The following NBEAL1 variants were observed in gnomAD, a reference collection of about 807,000 sequenced individuals.
The protein encoded by NBEAL1 is neurobeachin like 1.
A neutral mutation model predicts 351.3 loss-of-function variants in NBEAL1; 273 were observed. That is an observed-to-expected ratio of 0.78 (90% CI 0.70 to 0.86). The LOEUF is 0.86. NBEAL1 is among the 40% of genes least tolerant of loss of function. The pLI is 0.00. For missense variants in NBEAL1, 2,961 were observed against 3,201.3 expected (o/e 0.92, Z 1.81); for synonymous variants, 1,050 against 1,086.4 (o/e 0.97, Z 0.66).
At chr2:203,036,632 T>A (rs2061043824) in intron 2 of NBEAL1, among the ~76,000 whole-genome samples, 1 of 149,386 alleles carries the variant, frequency 6.7e-6, no homozygotes, top group Non-Finnish European at 1.5e-5. Context: ...CCTGCTGTAC[T>A]ACTTACTGTA....
chr2:203,071,519 A>G (rs1039680023), intron 7 of NBEAL1, among the ~76,000 whole-genome samples: 1 of 152,128 alleles, frequency 6.6e-6, no homozygotes, highest in African/African-American at 2.4e-5. Flanking sequence ...TTCACTCTAT[A>G]CCACTCTGTC....
chr2:203,184,374 T>C (rs1559046263), intron 44 of NBEAL1, among the ~76,000 whole-genome samples: 1 of 152,110 alleles, frequency 6.6e-6, no homozygotes, highest in Non-Finnish European at 1.5e-5. Flanking sequence ...GAGGTGACAA[T>C]GAGCTGAGAT....
chr2:203,174,879 A>AAATG (rs1321572025), intron 41 of NBEAL1, among the ~76,000 whole-genome samples: 21 of 151,164 alleles, frequency 1.4e-4, no homozygotes, highest in Admixed American at 1.4e-3. Flanking sequence ...ATAAATAAAT[A>AAATG]AATAAATAAA....
At chr2:203,141,341 G>GATTATTATTATTATT (rs1245124579) in intron 31 of NBEAL1, among the ~76,000 whole-genome samples, 133 of 38,670 alleles carry the variant, frequency 3.4e-3, no homozygotes, top group South Asian at 6.0e-3. Flanking sequence ...AGATAAGACA[G>GATTATTATTATTATT]ATTATTATTA....
intron 19 of NBEAL1, among the ~76,000 whole-genome samples, 195 bp from the exon 20 acceptor site, chr2:203,125,157 C>T (rs1246210391): frequency 6.6e-6 from 1 of 152,160 alleles, no homozygotes; most frequent in East Asian, 1.9e-4. Context: ...CCTGATCTCT[C>T]TTGAGTTTTG....
chr2:203,190,721 G>A (rs777834972), intron 46 of NBEAL1: 1 of 1,591,826 alleles, frequency 6.3e-7, no homozygotes, highest in Non-Finnish European at 8.5e-7. Context: ...AGGAGGCCAA[G>A]GTGCAACTTT....
At chr2:203,142,774 G>C (rs978004920) in intron 31 of NBEAL1, among the ~76,000 whole-genome samples, 1 of 152,134 alleles carries the variant, frequency 6.6e-6, no homozygotes, top group Admixed American at 6.5e-5. Context: ...TGTAGGGATT[G>C]TATGACTTTT....
At chr2:203,126,765 A>G (rs6725469) in intron 22 of NBEAL1, 49 bp downstream of exon 22, 435,895 of 1,518,874 alleles carry the variant, frequency 0.29, 67,547 homozygotes, top group East Asian at 0.66. Flanking sequence ...TTAGAAATTT[A>G]TAACTACCTA....
At chr2:203,143,513 C>T (rs1265192020) in intron 31 of NBEAL1, among the ~76,000 whole-genome samples, 2 of 145,440 alleles carry the variant, frequency 1.4e-5, no homozygotes, top group Admixed American at 6.6e-5. Context: ...AGGATTCAGT[C>T]AGGGCTCCAG....
At chr2:203,212,606 CAAAA>C (rs367786013) in intron 54 of NBEAL1, among the ~76,000 whole-genome samples, 2 of 81,248 alleles carry the variant, frequency 2.5e-5, no homozygotes. Context: ...GACTCCATCT[CAAAA>C]AAAAAAAAAA....
chr2:203,135,148 C>T (rs1388147961), intron 27 of NBEAL1, among the ~76,000 whole-genome samples: 2 of 149,218 alleles, frequency 1.3e-5, no homozygotes, highest in South Asian at 2.1e-4. Flanking sequence ...TGCACTGGTG[C>T]GACAGAGCAA....
At chr2:203,055,290 C>T (rs2106088694) in intron 4 of NBEAL1, among the ~76,000 whole-genome samples, 1 of 152,252 alleles carries the variant, frequency 6.6e-6, no homozygotes, top group African/African-American at 2.4e-5. Context: ...TCATGCCAGT[C>T]TGACTTCTTA....
At chr2:203,137,344 A>G (rs2063239508) in intron 29 of NBEAL1, among the ~76,000 whole-genome samples, 1 of 152,188 alleles carries the variant, frequency 6.6e-6, no homozygotes, top group South Asian at 2.1e-4. Context: ...AGTGTATTTT[A>G]TGTGTGGCCC....
rs544594326 is a variant in NBEAL1, at chr2:203,151,996, C to T, written c.5587+407C>T. On this transcript the variant is annotated intron_variant, in intron 35 of 55. Coordinates refer to ENST00000683969, the MANE Select transcript of NBEAL1 (RefSeq NM_001378026.1). The stretch of plus-strand genomic sequence containing the variant: ...TTTTGAGACAAAAGTCTCACTCTGT[C>T]GCCCAGGCTGAAGTGTAGTGGCGCA... Among the ~76,000 whole-genome samples, 142 of 151,798 alleles carry T rather than the reference C, an allele frequency of 9.4e-4. 1 individual carries two copies. Among genetic ancestry groups the T allele is most frequent in the Admixed American group, 2.0e-3 (30 of 15,248 alleles).
intron 44 of NBEAL1, among the ~76,000 whole-genome samples, chr2:203,183,630 C>G (rs1448995782): frequency 1.3e-5 from 2 of 151,970 alleles, no homozygotes; most frequent in African/African-American, 2.4e-5. Flanking sequence ...AACATTTCAG[C>G]TCTGTAAAAT....
intron 10 of NBEAL1, among the ~76,000 whole-genome samples, chr2:203,090,078 A>G (rs945013445): frequency 3.9e-5 from 6 of 152,232 alleles, no homozygotes; most frequent in African/African-American, 1.4e-4. Context: ...TTATTTTATG[A>G]CATATGGATT....
chr2:203,131,422 G>T (rs1182461645), intron 25 of NBEAL1, among the ~76,000 whole-genome samples: 2 of 152,052 alleles, frequency 1.3e-5, no homozygotes, highest in Non-Finnish European at 2.9e-5. Flanking sequence ...CACTATGTTG[G>T]CCAGGCTGGT....
At chr2:203,142,256 A>G (rs1283644102) in intron 31 of NBEAL1, among the ~76,000 whole-genome samples, 1 of 152,148 alleles carries the variant, frequency 6.6e-6, no homozygotes, top group Admixed American at 6.5e-5. Flanking sequence ...CCTGGGTTCA[A>G]GTGATTCTCT....
At chr2:203,018,272 C>CTT (rs34841735) in intron 2 of NBEAL1, among the ~76,000 whole-genome samples, 66 of 146,800 alleles carry the variant, frequency 4.5e-4, no homozygotes, top group East Asian at 2.2e-3. Flanking sequence ...ACTTTTAAGG[C>CTT]TTTTTTTTTT....
Sources: allele counts gnomAD v4.1 joint callset (sites outside exome capture counted in the v4.1 genomes callset), GRCh38; gene constraint gnomAD v4.1.1; transcripts MANE v1.5; gene names NCBI Gene and HGNC (gene_info 2026-07-23, HGNC 2026-07-21).